The following ADAM8 variants were observed in gnomAD, a reference collection of about 807,000 sequenced individuals.
ADAM8 encodes the protein ADAM metallopeptidase domain 8, also known as disintegrin and metalloproteinase domain-containing protein 8.
In ADAM8, 104 loss-of-function variants were observed where a neutral mutation model predicts 102.4. That is an observed-to-expected ratio of 1.02 (90% CI 0.87 to 1.20). The LOEUF (loss-of-function observed/expected upper bound fraction) is 1.20, where lower values mean the gene tolerates loss of function less well. Ranked by LOEUF, ADAM8 falls within the 50% of genes most tolerant of loss-of-function variation. The pLI is 0.00. For missense variants in ADAM8, 1,132 were observed against 1,159.0 expected (o/e 0.98, Z 0.34); for synonymous variants, 517 against 485.2 (o/e 1.07, Z -0.86).
chr10:133,269,378 C>T, intron 18 of ADAM8, 67 bp downstream of exon 18: 1 of 1,412,400 alleles, frequency 7.1e-7, no homozygotes, highest in East Asian at 2.6e-5. Flanking sequence ...GCGGCTTCTG[C>T]CTGGGCTCTG....
Position 133,267,911 on chromosome 10 carries a change from G to A in ADAM8, c.2253+18C>T, listed in dbSNP as rs546879920. 37 of 1,258,310 alleles carry A rather than the reference G, an allele frequency of 2.9e-5. No homozygotes were observed. The East Asian group carries it at 6.2e-4, about 21-fold the overall frequency. 77.9% of individuals were successfully genotyped at this position (1,258,310 alleles called of 1,614,324 possible). ...GCACTGCTTTCGGCCTCATGAACCC[G>A]CCAGGGGTGGTGCTTACAGCAGGGG... is the stretch of plus-strand genomic sequence containing the variant. On this transcript the variant is annotated intron_variant, in intron 20 of 22. Coordinates refer to ENST00000445355, the MANE Select transcript of ADAM8 (RefSeq NM_001109.5).
intron 21 of ADAM8, 143 bp from the exon 22 acceptor site, chr10:133,263,908 G>A: frequency 1.5e-6 from 1 of 663,004 alleles, no homozygotes; most frequent in Admixed American, 4.0e-5. Flanking sequence ...CGCCCCCACT[G>A]AGCTCGCTAC....
At chr10:133,267,534 G>C (rs984691963) in intron 20 of ADAM8, 117 bp from the exon 21 acceptor site, 156 of 998,196 alleles carry the variant, frequency 1.6e-4, no homozygotes, top group Non-Finnish European at 2.1e-4. Flanking sequence ...GCGTCTGCGC[G>C]GCCCACAGGG....
At position 133,263,727 on chromosome 10, in the gene ADAM8, G is replaced by A. The variant is rs1038179335; in HGVS notation, c.2358C>T (p.Val786=). 2 of 1,552,586 alleles carry A rather than the reference G, an allele frequency of 1.3e-6. No individual in the cohort carries two copies. The highest frequency in any genetic ancestry group is 1.7e-6 in the Non-Finnish European group (2 of 1,149,818). The change falls in exon 22 of 23, where the codon GTC becomes GTT. Residue 786 remains valine, a synonymous_variant. Transcript: ENST00000445355. ...KPTFAPPVPP[V]KPGAGAANPG... is the part of the protein sequence containing the mutation. ...GGTTGGCCGCACCAGCCCCGGGTTT[G>A]ACTGGGGGCACTGGGGGTGCGAACG...
chr10:133,268,884 ATCAGGCAGGCAGGCCGCGACC>A (rs758722943), intron 18 of ADAM8, 22 bp from the exon 19 acceptor site: 27 of 1,599,854 alleles, frequency 1.7e-5, no homozygotes, highest in Non-Finnish European at 2.0e-5. Flanking sequence ...ACGGCCCCAC[ATCAGGCAGGCAGGCCGCGACC>A]TCAGGCAGGA....
At chr10:133,275,370 G>A in intron 2 of ADAM8, 114 bp downstream of exon 2, 1 of 777,326 alleles carries the variant, frequency 1.3e-6, no homozygotes, top group Non-Finnish European at 2.1e-6. Context: ...GAGCTGTACA[G>A]GGCAGCCCCA....
At chr10:133,269,154 A>C in intron 18 of ADAM8, 1 of 985,450 alleles carries the variant, frequency 1.0e-6, no homozygotes, top group Non-Finnish European at 1.2e-6. Context: ...GGGTGGCCTC[A>C]GGGCCCCGGG....
chr10:133,271,020 G>C lies in ADAM8; in HGVS notation c.1425C>G (p.Leu475=). ...LCRPKKDMCD[L]EEFCDGRHPE... ...GGTGCCGGCCGTCACAGAACTCCTC[G>C]AGGTCACACATGTCCTTCTTGGGAC... Residue 475 remains leucine (L), a synonymous_variant, in exon 14 of 23, where the codon CTC becomes CTG. Coordinates refer to ENST00000445355, the MANE Select transcript of ADAM8 (RefSeq NM_001109.5). 1 of 1,612,780 alleles carries C rather than the reference G, an allele frequency of 6.2e-7. No individual in the cohort carries two copies. Among genetic ancestry groups the C allele is most frequent in the South Asian group, 1.1e-5 (1 of 91,086 alleles).
At chr10:133,264,728 G>A (rs1846269459) in intron 21 of ADAM8, among the ~76,000 whole-genome samples, 1 of 147,760 alleles carries the variant, frequency 6.8e-6, no homozygotes, top group African/African-American at 2.5e-5. Context: ...TGCAGCCTCT[G>A]CCCCATCTAC....
chr10:133,270,239 G>T, intron 16 of ADAM8, 121 bp downstream of exon 16: 1 of 1,328,190 alleles, frequency 7.5e-7, no homozygotes, highest in Non-Finnish European at 1.0e-6. Context: ...CTAGAAGCGC[G>T]GAGAGAACTC....
chr10:133,275,091 G>A lies in ADAM8; in HGVS notation c.150+393C>T, dbSNP rs112711355. 1,894 of 296,056 alleles carry A rather than the reference G, an allele frequency of 6.4e-3. 12 individuals carry two copies. The highest frequency in any genetic ancestry group is 0.019 in the Middle Eastern group (45 of 2,336). The allele number at this position is 296,056 out of a possible 1,614,324, so 18.3% of individuals were successfully genotyped here. Reference sequence around the variant, plus strand: ...TCGGGCAGCCCCAGTCGGGGAGGGGGGCATTCTCAGTTTCTAGCCCTGGGA... The same window carrying A: ...TCGGGCAGCCCCAGTCGGGGAGGGGAGCATTCTCAGTTTCTAGCCCTGGGA... On this transcript the variant is annotated intron_variant, in intron 2 of 22. Coordinates refer to ENST00000445355, the MANE Select transcript of ADAM8 (RefSeq NM_001109.5).
At chr10:133,274,787 C>G (rs1846685501) in intron 2 of ADAM8, 1 of 391,192 alleles carries the variant, frequency 2.6e-6, no homozygotes, top group African/African-American at 2.1e-5. Flanking sequence ...CTTCCAGCAG[C>G]TGCCGGACCT....
rs1232814217 is a variant in ADAM8, at chr10:133,276,805, C to T, written c.13G>A (p.Gly5Arg). ...ATCATCGCGCCCAGCAGCCAGAGCC[C>T]GAGGCCGCGCATGGCCGGGTCGGGG... Reference protein sequence around the residue: MRGLGLWLLGAMMLP... With the variant: MRGLRLWLLGAMMLP... Residue 5 changes from glycine (G) to arginine (R), a missense_variant, in exon 1 of 23, where the codon GGG becomes AGG. By Grantham distance (125) the Gly-to-Arg change is moderately radical. Coordinates refer to ENST00000445355, the MANE Select transcript of ADAM8 (RefSeq NM_001109.5). The T allele has an allele frequency of 1.3e-6, 2 of 1,530,022 alleles. No individual in the cohort carries two copies. Among genetic ancestry groups the T allele is most frequent in the South Asian group, 1.2e-5 (1 of 82,672 alleles). 94.8% of individuals were successfully genotyped at this position (1,530,022 alleles called of 1,614,324 possible). A position where few individuals can be genotyped will look rare whatever the true frequency, so the allele number is the denominator to read the frequency against.
At chr10:133,267,269 C>T in intron 21 of ADAM8, 83 bp downstream of exon 21, 1 of 1,452,594 alleles carries the variant, frequency 6.9e-7, no homozygotes. Context: ...TCCCTGGCCC[C>T]CGGTGCAGTG....
chr10:133,273,979 G>A lies in ADAM8; in HGVS notation c.278C>T (p.Ser93Phe). Reference sequence around the variant, plus strand: ...CCCGCGAGGCTGCTCCGTCACCTCGGAGCCATTGGCAGCCGTATAGGTCTC... The same window carrying A: ...CCCGCGAGGCTGCTCCGTCACCTCGAAGCCATTGGCAGCCGTATAGGTCTC... ...YTETYTAANG[S>F]EVTEQPRGQD... The change falls in exon 4 of 23, where the codon TCC becomes TTC. Residue 93 changes from serine (S) to phenylalanine (F), a missense_variant. Physicochemically the swap from Ser to Phe is radical, Grantham distance 155. Transcript: ENST00000445355. The A allele has an allele frequency of 6.2e-7, 1 of 1,606,356 alleles. No individual in the cohort carries two copies. Among genetic ancestry groups the A allele is most frequent in the Non-Finnish European group, 8.5e-7 (1 of 1,178,272 alleles).
At chr10:133,263,816 C>T (rs761084220) in intron 21 of ADAM8, 51 bp from the exon 22 acceptor site, 2 of 1,359,940 alleles carry the variant, frequency 1.5e-6, no homozygotes, top group South Asian at 3.1e-5. Flanking sequence ...ACTCCCGGCT[C>T]TAGCCTGGAC....
rs189983975 is a variant in ADAM8 at position 133,262,671 on chromosome 10, C to A, written c.*485G>T. 286 of 156,320 alleles carry A rather than the reference C, an allele frequency of 1.8e-3. 7 individuals are homozygous for A. Among genetic ancestry groups the A allele is most frequent in the Admixed American group, 0.018 (283 of 15,578 alleles). The allele number at this position is 156,320 out of a possible 1,614,324, so 9.7% of individuals were successfully genotyped here. A position where few individuals can be genotyped will look rare whatever the true frequency, so the allele number is the denominator to read the frequency against. On this transcript the variant is annotated 3_prime_UTR_variant, in exon 23 of 23. Coordinates refer to ENST00000445355, the MANE Select transcript of ADAM8 (RefSeq NM_001109.5). ...TGGAGTCGGGAGCTTGGGGTGCAGTCTGCTCACTGACACCCTCTCGAAGAG... is the reference window on the plus strand; with the variant it reads ...TGGAGTCGGGAGCTTGGGGTGCAGTATGCTCACTGACACCCTCTCGAAGAG...
In ADAM8 at chr10:133,276,200, GA is replaced by G. The variant is rs1400366394; in HGVS notation, c.46+571del. Among the ~76,000 whole-genome samples, 7 of 152,320 alleles carry G rather than the reference GA, an allele frequency of 4.6e-5. No individual in the cohort carries two copies. In the East Asian group the frequency reaches 1.4e-3, roughly 29 times the overall value. Reference sequence around the variant, plus strand: ...TCTCCAACCTGGAGAGGCAGCAGGGGAGCAGCCAGCCCCTATCTGCCCAGGA... The same window carrying G: ...TCTCCAACCTGGAGAGGCAGCAGGGGGCAGCCAGCCCCTATCTGCCCAGGA... On this transcript the variant is annotated intron_variant, in intron 1 of 22. Coordinates refer to ENST00000445355, the MANE Select transcript of ADAM8 (RefSeq NM_001109.5).
rs775251845 is a variant in ADAM8 at position 133,263,107 on chromosome 10, C to T, written c.*49G>A. 3.7e-6 allele frequency: 6 copies of T among 1,605,104 alleles called. No homozygotes were observed. The Admixed American group carries it at 5.0e-5, about 13-fold the overall frequency. On this transcript the variant is annotated 3_prime_UTR_variant, in exon 23 of 23. Transcript: ENST00000445355. Reference sequence around the variant, plus strand: ...GACCGTGGAATGCTGGAACGCATGGCTTCTCTGCCGCAACTTCTCCAAATT... The same window carrying T: ...GACCGTGGAATGCTGGAACGCATGGTTTCTCTGCCGCAACTTCTCCAAATT...
Sources: gnomAD v4.1 joint callset for allele counts (sites outside exome capture counted in the v4.1 genomes callset) on GRCh38, gnomAD v4.1.1 for gene constraint, MANE v1.5 for transcripts, NCBI Gene and HGNC (gene_info 2026-07-23, HGNC 2026-07-21) for gene names.